PHKA2: variants seen among roughly 807,000 people sequenced by gnomAD.
PHKA2 encodes phosphorylase b kinase regulatory subunit alpha, liver isoform.
PHKA2 carries 31 observed loss-of-function variants against 102.0 expected under a neutral mutation model. That is an observed-to-expected ratio of 0.30 (90% CI 0.23 to 0.41). PHKA2 has a LOEUF of 0.41. Ranked by LOEUF, PHKA2 falls within the 10% of genes least tolerant of loss-of-function variation. PHKA2 has a pLI of 1.00. For missense variants in PHKA2, 858 were observed against 1,023.1 expected (o/e 0.84, Z 2.20); for synonymous variants, 455 against 416.2 (o/e 1.09, Z -1.13).
In PHKA2 at chrX:18,893,066, G is replaced by A. The variant is rs2047456321; in HGVS notation, c.*419C>T. The A allele has an allele frequency of 2.0e-5, 4 of 201,052 alleles. No individual in the cohort carries two copies. Among genetic ancestry groups the A allele is most frequent in the Admixed American group, 6.4e-5 (1 of 15,637 alleles). The allele number at this position is 201,052 out of a possible 1,213,427, so 16.6% of individuals were successfully genotyped here. A position where few individuals can be genotyped will look rare whatever the true frequency, so the allele number is the denominator to read the frequency against. On this transcript the variant is annotated 3_prime_UTR_variant, in exon 33 of 33. Transcript: ENST00000379942. ...GGTGGCCCTTGTCAAGGCTACTGCC[G>A]CCAGGAGGATCTTTGCATCTTTAGG...
At chrX:18,978,686 C>T (rs1236842703) in intron 1 of PHKA2, among the ~76,000 whole-genome samples, 2 of 111,235 alleles carry the variant, frequency 1.8e-5, no homozygotes, top group African/African-American at 3.3e-5. Context: ...GCACTCCAGC[C>T]TGGGTGACAG....
At chrX:18,951,015 C>T in intron 4 of PHKA2, 89 bp downstream of exon 4, 2 of 907,791 alleles carry the variant, frequency 2.2e-6, no homozygotes, top group South Asian at 4.0e-5. Context: ...CAGCACATGG[C>T]CTGACACACT....
At chrX:18,960,997 C>T (rs1238351431) in intron 1 of PHKA2, among the ~76,000 whole-genome samples, 1 of 112,073 alleles carries the variant, frequency 8.9e-6, no homozygotes, top group Non-Finnish European at 1.9e-5. Flanking sequence ...TGGACATACA[C>T]ATGCAAGAAA....
chrX:18,908,006 T>C lies in PHKA2; in HGVS notation c.2411A>G (p.Gln804Arg). The C allele has an allele frequency of 8.3e-7, 1 of 1,211,448 alleles. No individual in the cohort carries two copies. Among genetic ancestry groups the C allele is most frequent in the Non-Finnish European group, 1.1e-6 (1 of 895,101 alleles). ...CCCATAGAGCTCACCAAGAAGGTTT[T>C]GAACGGTGACCCCGTGCTGTCCAGA... ...NLSGQHGVTV[Q>R]NLLGELYGKA... The change falls in exon 22 of 33, where the codon CAA becomes CGA. Residue 804 changes from glutamine to arginine, a missense_variant. By Grantham distance (43) the Gln-to-Arg change is conservative. Coordinates refer to ENST00000379942, the MANE Select transcript of PHKA2 (RefSeq NM_000292.3).
At chrX:18,957,448 C>T (rs1305728237) in intron 1 of PHKA2, among the ~76,000 whole-genome samples, 1 of 111,323 alleles carries the variant, frequency 9.0e-6, no homozygotes, top group Non-Finnish European at 1.9e-5. Flanking sequence ...AAATGCAGAC[C>T]ACAGGAGGAT....
At position 18,910,808 on chromosome X, in the gene PHKA2, T is replaced by C. The variant is rs753988941; in HGVS notation, c.2226+64A>G. 3.8e-5 allele frequency: 24 copies of C among 639,968 alleles called. No homozygotes were observed. The Admixed American group carries it at 3.9e-4, about 10-fold the overall frequency. 52.7% of individuals were successfully genotyped at this position (639,968 alleles called of 1,213,427 possible). A position where few individuals can be genotyped will look rare whatever the true frequency, so the allele number is the denominator to read the frequency against. On this transcript the variant is annotated intron_variant, in intron 20 of 32. Transcript: ENST00000379942. Reference sequence around the variant, plus strand: ...TTTGAGTTTAGCCATTTGGAAGAGTTTGGGGACTCATCCTGCATTGTAGAA... The same window carrying C: ...TTTGAGTTTAGCCATTTGGAAGAGTCTGGGGACTCATCCTGCATTGTAGAA...
chrX:18,964,896 G>A (rs889197418), intron 1 of PHKA2, among the ~76,000 whole-genome samples: 43 of 112,226 alleles, frequency 3.8e-4, no homozygotes, highest in African/African-American at 1.3e-3. Context: ...GGGATCACAG[G>A]TGTGCAATTC....
intron 1 of PHKA2, among the ~76,000 whole-genome samples, chrX:18,981,168 G>C (rs974246073): frequency 5.4e-5 from 6 of 111,461 alleles, no homozygotes; most frequent in African/African-American, 2.0e-4. Flanking sequence ...AGAAGGTGAT[G>C]AGGCCTTGAA....
chrX:18,983,722 T>C, intron 1 of PHKA2, 133 bp downstream of exon 1: 1 of 583,480 alleles, frequency 1.7e-6, no homozygotes, highest in Non-Finnish European at 3.0e-6. Flanking sequence ...AATCACTGGC[T>C]AGCAAGGACT....
intron 29 of PHKA2, among the ~76,000 whole-genome samples, chrX:18,898,691 G>A (rs2047620334): frequency 8.9e-6 from 1 of 112,266 alleles, no homozygotes. Context: ...AGTAATTACA[G>A]CTGCACTCCT....
At chrX:18,934,901 G>A (rs1315105053) in intron 11 of PHKA2, among the ~76,000 whole-genome samples, 1 of 112,572 alleles carries the variant, frequency 8.9e-6, no homozygotes, top group Admixed American at 9.3e-5. Flanking sequence ...GCCCAGTGCT[G>A]TGTGAGCTCT....
At chrX:18,965,508 CAT>C (rs1028962049) in intron 1 of PHKA2, among the ~76,000 whole-genome samples, 2 of 111,425 alleles carry the variant, frequency 1.8e-5, no homozygotes, top group African/African-American at 3.3e-5. Context: ...GAAGACACCA[CAT>C]GTCACTCTAC....
chrX:18,971,512 T>A (rs1294064201), intron 1 of PHKA2, among the ~76,000 whole-genome samples: 1 of 112,193 alleles, frequency 8.9e-6, no homozygotes, highest in East Asian at 2.8e-4. Context: ...ATGTTGCATA[T>A]CTCTTCTCTT....
chrX:18,911,781 C>T (rs770159457), intron 19 of PHKA2, among the ~76,000 whole-genome samples: 5 of 112,587 alleles, frequency 4.4e-5, no homozygotes, highest in African/African-American at 6.5e-5. Context: ...AACTGGATTT[C>T]GCTTTTCCCT....
At chrX:18,920,838 C>T (rs990599275) in intron 17 of PHKA2, among the ~76,000 whole-genome samples, 1 of 112,216 alleles carries the variant, frequency 8.9e-6, no homozygotes, top group Non-Finnish European at 1.9e-5. Context: ...ACGCTGGGAG[C>T]GATTTGCACA....
Position 18,983,938 on chromosome X carries a change from C to A in PHKA2, c.-6G>T. On this transcript the variant is annotated 5_prime_UTR_variant, in exon 1 of 33. Coordinates refer to ENST00000379942, the MANE Select transcript of PHKA2 (RefSeq NM_000292.3). ...GAATTGCTCCTGCTCCGCATCTCCC[C>A]GAGGCTCCCAGGCCGCAGCGCCCGA... 8.3e-7 allele frequency: 1 copy of A among 1,206,637 alleles called. No individual in the cohort carries two copies. Among genetic ancestry groups the A allele is most frequent in the African/African-American group, 1.7e-5 (1 of 57,935 alleles).
intron 30 of PHKA2, chrX:18,895,674 G>A (rs1334281191): frequency 1.6e-5 from 2 of 125,321 alleles, no homozygotes; most frequent in Non-Finnish European, 3.3e-5. Context: ...TATAAATATC[G>A]AGTGCCAGCT....
At chrX:18,954,224 A>G in intron 2 of PHKA2, 30 bp downstream of exon 2, 1 of 1,204,245 alleles carries the variant, frequency 8.3e-7, no homozygotes, top group Non-Finnish European at 1.1e-6. Context: ...GTGGCTGAGC[A>G]GCCGAGATAC....
chrX:18,907,254 C>G (rs777289643), intron 22 of PHKA2, among the ~76,000 whole-genome samples, 157 bp from the exon 23 acceptor site: 76 of 112,102 alleles, frequency 6.8e-4, no homozygotes, highest in Non-Finnish European at 1.1e-3. Context: ...AAATTCATAC[C>G]TAGACCCCAG....
Sources: allele counts gnomAD v4.1 joint callset (sites outside exome capture counted in the v4.1 genomes callset), GRCh38; gene constraint gnomAD v4.1.1; transcripts MANE v1.5; gene names NCBI Gene and HGNC (gene_info 2026-07-23, HGNC 2026-07-21).